LPP: variants seen among roughly 807,000 people sequenced by gnomAD.
LPP encodes the protein lipoma-preferred partner.
In LPP, 38 loss-of-function variants were observed where a neutral mutation model predicts 60.4. The ratio of observed to expected loss-of-function variants is 0.63; its 90% confidence interval spans 0.49 to 0.83. LPP has a LOEUF of 0.83. LPP is among the 40% of genes least tolerant of loss of function. The pLI, the probability that LPP is intolerant of heterozygous loss-of-function variation, is 0.00. For synonymous variants in LPP, 328 were observed against 290.8 expected (o/e 1.13, Z -1.30); for missense variants, 902 against 783.6 (o/e 1.15, Z -1.80).
At chr3:188,313,588 G>C (rs892223145) in intron 2 of LPP, among the ~76,000 whole-genome samples, 1 of 149,548 alleles carries the variant, frequency 6.7e-6, no homozygotes. Flanking sequence ...AGTGAGCCAA[G>C]ATCCCGCCAC....
Position 188,889,053 on chromosome 3 carries a change from A to T in LPP, c.*14574A>T. On this transcript the variant is annotated 3_prime_UTR_variant, in exon 12 of 12. Transcript: ENST00000617246. ...TAAGCATCGGTGGGTTTAGAGTGTT[A>T]AAGTGTCAGCACATTCCTTCTCCTT... The T allele has an allele frequency of 4.5e-6, 1 of 222,706 alleles. No homozygotes were observed. The highest frequency in any genetic ancestry group is 6.5e-5 in the East Asian group (1 of 15,344). The allele number at this position is 222,706 out of a possible 1,614,324, so 13.8% of individuals were successfully genotyped here. A position where few individuals can be genotyped will look rare whatever the true frequency, so the allele number is the denominator to read the frequency against.
At chr3:188,164,636 A>G (rs1406573434) in intron 1 of LPP, among the ~76,000 whole-genome samples, 1 of 152,028 alleles carries the variant, frequency 6.6e-6, no homozygotes, top group African/African-American at 2.4e-5. Context: ...CCAGGCAGGT[A>G]AGTGACACCT....
rs1263460933 is a variant in LPP at position 188,878,092 on chromosome 3, G to C, written c.*3613G>C. The stretch of plus-strand genomic sequence containing the variant: ...TTTTTCCATGGGGCTATAGTAGAGA[G>C]TTAGTGGAATATAGACAGGACTCTG... On this transcript the variant is annotated 3_prime_UTR_variant, in exon 12 of 12. Transcript: ENST00000617246. 1.4e-5 allele frequency: 3 copies of C among 220,902 alleles called. No homozygotes were observed. Among genetic ancestry groups the C allele is most frequent in the African/African-American group, 6.7e-5 (3 of 44,618 alleles). The allele number at this position is 220,902 out of a possible 1,614,324, so 13.7% of individuals were successfully genotyped here.
At chr3:188,681,141 T>A (rs1268145431) in intron 7 of LPP, among the ~76,000 whole-genome samples, 1 of 151,958 alleles carries the variant, frequency 6.6e-6, no homozygotes, top group African/African-American at 2.4e-5. Flanking sequence ...GGACTACAGG[T>A]GCACACCACC....
At chr3:188,734,652 C>T (rs965055482) in intron 8 of LPP, among the ~76,000 whole-genome samples, 2 of 152,218 alleles carry the variant, frequency 1.3e-5, no homozygotes, top group African/African-American at 4.8e-5. Flanking sequence ...TTGTAACAGC[C>T]TGTGGAACCT....
intron 7 of LPP, among the ~76,000 whole-genome samples, chr3:188,670,974 T>C (rs1046887433): frequency 1.3e-5 from 2 of 152,226 alleles, no homozygotes; most frequent in African/African-American, 4.8e-5. Flanking sequence ...TCTAACCCAA[T>C]AGGGCAATTT....
intron 4 of LPP, among the ~76,000 whole-genome samples, chr3:188,413,614 A>G (rs1427459653): frequency 2.0e-5 from 3 of 152,194 alleles, no homozygotes; most frequent in Non-Finnish European, 4.4e-5. Context: ...GGACAAAAGA[A>G]CAAGCTGTGT....
intron 4 of LPP, among the ~76,000 whole-genome samples, chr3:188,430,360 T>G (rs1014300255): frequency 2.0e-5 from 3 of 152,282 alleles, no homozygotes; most frequent in African/African-American, 7.2e-5. Context: ...CTTACAGCTC[T>G]TTAATTATTT....
intron 9 of LPP, among the ~76,000 whole-genome samples, chr3:188,837,357 T>C (rs1190721392): frequency 6.7e-6 from 1 of 148,664 alleles, no homozygotes; most frequent in Non-Finnish European, 1.5e-5. Flanking sequence ...CCATCCTGGG[T>C]GACAGAATGA....
intron 7 of LPP, among the ~76,000 whole-genome samples, chr3:188,613,292 CTATAT>C (rs1560643759): frequency 2.4e-4 from 34 of 143,186 alleles, no homozygotes; most frequent in Non-Finnish European, 3.1e-5. Flanking sequence ...ATATCTATAT[CTATAT>C]CTATATCTAT....
chr3:188,625,768 T>C (rs1364134909), intron 7 of LPP, among the ~76,000 whole-genome samples: 7 of 152,200 alleles, frequency 4.6e-5, no homozygotes, highest in Admixed American at 4.6e-4. Context: ...TATTACTTAG[T>C]ATTCCATCCA....
At chr3:188,405,546 T>C (rs1783256866) in intron 3 of LPP, among the ~76,000 whole-genome samples, 3 of 152,186 alleles carry the variant, frequency 2.0e-5, no homozygotes, top group African/African-American at 7.2e-5. Context: ...CCAGTCTGTA[T>C]ATCACCTCAT....
chr3:188,815,035 T>C (rs893898843), intron 9 of LPP, among the ~76,000 whole-genome samples: 12 of 152,346 alleles, frequency 7.9e-5, no homozygotes, highest in Admixed American at 7.2e-4. Context: ...GTCAATTCAG[T>C]GCTTCGCGCA....
At chr3:188,722,795 GA>G (rs1382129773) in intron 8 of LPP, among the ~76,000 whole-genome samples, 1 of 152,162 alleles carries the variant, frequency 6.6e-6, no homozygotes, top group Non-Finnish European at 1.5e-5. Flanking sequence ...AAGTCGGTAT[GA>G]AAAAGTTTTC....
chr3:188,706,274 C>A (rs1417206987), intron 7 of LPP, among the ~76,000 whole-genome samples: 2 of 152,158 alleles, frequency 1.3e-5, no homozygotes, highest in East Asian at 3.9e-4. Context: ...CCCTGTCTCA[C>A]AAAGAGGAGA....
chr3:188,403,491 A>G (rs1022795147), intron 3 of LPP, among the ~76,000 whole-genome samples: 2 of 152,222 alleles, frequency 1.3e-5, no homozygotes, highest in African/African-American at 2.4e-5. Flanking sequence ...AATGTGCATA[A>G]TGCATTAAAA....
At chr3:188,181,283 G>A (rs1419333823) in intron 1 of LPP, among the ~76,000 whole-genome samples, 1 of 151,254 alleles carries the variant, frequency 6.6e-6, no homozygotes, top group Non-Finnish European at 1.5e-5. Context: ...AATCCGGGAG[G>A]CAGAGGTTGC....
intron 9 of LPP, among the ~76,000 whole-genome samples, chr3:188,803,826 TG>T (rs1225148224): frequency 6.6e-6 from 1 of 152,180 alleles, no homozygotes; most frequent in Non-Finnish European, 1.5e-5. Context: ...AAAATTCGTT[TG>T]TCAGTTTTTA....
At chr3:188,476,214 G>T (rs1244119628) in intron 4 of LPP, among the ~76,000 whole-genome samples, 1 of 152,058 alleles carries the variant, frequency 6.6e-6, no homozygotes, top group African/African-American at 2.4e-5. Flanking sequence ...CACTTTGTTA[G>T]TTCTATTTGT....
Sources: gnomAD v4.1 joint callset for allele counts (sites outside exome capture counted in the v4.1 genomes callset) on GRCh38, gnomAD v4.1.1 for gene constraint, MANE v1.5 for transcripts, NCBI Gene and HGNC (gene_info 2026-07-23, HGNC 2026-07-21) for gene names.